NLRC5: variants seen among roughly 807,000 people sequenced by gnomAD.
NLRC5 encodes the protein NLR family CARD domain containing 5.
In NLRC5, 114 loss-of-function variants were observed where a neutral mutation model predicts 206.9. The observed-to-expected ratio is 0.55, with a 90% CI of 0.47 to 0.64. The LOEUF is 0.64. Ranked by LOEUF, NLRC5 falls within the 30% of genes least tolerant of loss-of-function variation. The pLI, the probability that NLRC5 is intolerant of heterozygous loss-of-function variation, is 0.00. For synonymous variants in NLRC5, 952 were observed against 962.8 expected (o/e 0.99, Z 0.21); for missense variants, 2,008 against 2,305.5 (o/e 0.87, Z 2.64).
rs1352717150 is a variant in NLRC5 at position 57,014,928 on chromosome 16, T to TC, written c.-127-2146_-127-2145insC. Among the ~76,000 whole-genome samples, 4 of 994 alleles carry TC rather than the reference T, an allele frequency of 4.0e-3. No homozygotes were observed. In the Non-Finnish European group the frequency reaches 0.1, roughly 25 times the overall value. The allele number at this position is 994 out of a possible 152,430, so 0.7% of individuals were successfully genotyped here. ...CGCTCTCCAGCCTCTTCCTTTTTCC[T>TC]TTTTTTTTTTGTTTGTTTGAGATGG... is the stretch of plus-strand genomic sequence containing the variant. On this transcript the variant is annotated intron_variant, in intron 1 of 48. Coordinates refer to ENST00000688547, the MANE Select transcript of NLRC5 (RefSeq NM_001384950.1).
chr16:57,002,779 C>T (rs1359126908), intron 1 of NLRC5, among the ~76,000 whole-genome samples: 2 of 151,408 alleles, frequency 1.3e-5, no homozygotes. Flanking sequence ...GTAGCTGGGA[C>T]TACAGGCATG....
chr16:57,059,759 C>A (rs1338016050), intron 30 of NLRC5, among the ~76,000 whole-genome samples: 2 of 152,196 alleles, frequency 1.3e-5, no homozygotes, highest in Non-Finnish European at 2.9e-5. Context: ...CCATCCTAAG[C>A]CCAACTCAGC....
intron 30 of NLRC5, among the ~76,000 whole-genome samples, chr16:57,060,024 GTTATTATTATTATTA>G (rs3995823): frequency 2.5e-4 from 36 of 144,882 alleles, no homozygotes; most frequent in Non-Finnish European, 4.1e-4. Flanking sequence ...TATTGTAACT[GTTATTATTATTATTA>G]TTATTATTAT....
Position 57,081,150 on chromosome 16 carries a change from C to T in NLRC5, c.5374C>T (p.Leu1792=). Residue 1792 remains leucine, a synonymous_variant, in exon 47 of 49, where the codon CTG becomes TTG. Coordinates refer to ENST00000688547, the MANE Select transcript of NLRC5 (RefSeq NM_001384950.1). ...DEAAAELAQV[L]PQMGRLKRVD... ...GGCAGCTGCCGAGCTGGCCCAGGTG[C>T]TGCCGCAGATGGGCCGGCTGAAGAG... 2 of 1,545,170 alleles carry T rather than the reference C, an allele frequency of 1.3e-6. No homozygotes were observed. The highest frequency in any genetic ancestry group is 1.7e-6 in the Non-Finnish European group (2 of 1,147,748).
rs1043123964 is a variant in NLRC5, at chr16:57,077,881, G to A, written c.5004-62G>A. On this transcript the variant is annotated intron_variant, in intron 42 of 48. Transcript: ENST00000688547. Reference sequence around the variant, plus strand: ...CCTCCTCTCCCGCAGTGGGCACAGGGCAGGGCGGGGGTCCCGAGTGGGCAG... The same window carrying A: ...CCTCCTCTCCCGCAGTGGGCACAGGACAGGGCGGGGGTCCCGAGTGGGCAG... The A allele has an allele frequency of 6.2e-5, 99 of 1,604,514 alleles. No homozygotes were observed. In the East Asian group the frequency reaches 2.1e-3, roughly 34 times the overall value.
At chr16:57,001,777 T>C (rs2058289020) in intron 1 of NLRC5, among the ~76,000 whole-genome samples, 1 of 152,244 alleles carries the variant, frequency 6.6e-6, no homozygotes, top group Admixed American at 6.5e-5. Flanking sequence ...TTGTTATTTT[T>C]AAATGTACAG....
chr16:57,031,113 A>G (rs1241328631), intron 10 of NLRC5, among the ~76,000 whole-genome samples: 1 of 150,506 alleles, frequency 6.6e-6, no homozygotes, highest in Non-Finnish European at 1.5e-5. Context: ...ATTTAAAAAG[A>G]AAGGAAAAAA....
chr16:57,081,434 T>A (rs1003812376), intron 47 of NLRC5, 93 bp from the exon 48 acceptor site: 1 of 1,222,502 alleles, frequency 8.2e-7, no homozygotes, highest in Non-Finnish European at 1.2e-6. Context: ...CTGTGTCCCC[T>A]GACCTTGGCC....
At chr16:57,000,359 T>C (rs1597079846) in intron 1 of NLRC5, among the ~76,000 whole-genome samples, 1 of 151,944 alleles carries the variant, frequency 6.6e-6, no homozygotes, top group Admixed American at 6.6e-5. Flanking sequence ...GTGGCTGGGG[T>C]GAAGGAGGCA....
intron 19 of NLRC5, among the ~76,000 whole-genome samples, chr16:57,042,698 C>G (rs962492304): frequency 6.6e-6 from 1 of 152,216 alleles, no homozygotes; most frequent in Non-Finnish European, 1.5e-5. Flanking sequence ...TCTGTGAACA[C>G]GCTTTGCTGT....
At position 57,055,064 on chromosome 16, in the gene NLRC5, C is replaced by G. The variant is rs2065435675; in HGVS notation, c.3629C>G (p.Ser1210Cys). Reference sequence around the variant, plus strand: ...CACCATGCAACTTTGCACTTCAGATCCAACGAGGAGGAGGAAGGCGTGTGC... The same window carrying G: ...CACCATGCAACTTTGCACTTCAGATGCAACGAGGAGGAGGAAGGCGTGTGC... ...SLHHATLHFR[S>C]NEEEEGVCCG... The change falls in exon 26 of 49, where the codon TCC becomes TGC. Residue 1210 changes from serine to cysteine, a missense_variant. Ser to Cys is a moderately radical substitution (Grantham distance 112). Coordinates refer to ENST00000688547, the MANE Select transcript of NLRC5 (RefSeq NM_001384950.1). The G allele has an allele frequency of 2.5e-6, 4 of 1,614,114 alleles. No individual in the cohort carries two copies. The South Asian group carries it at 3.3e-5, about 13-fold the overall frequency.
In NLRC5 at chr16:57,014,931, T is replaced by TC. The variant is rs1205715845; in HGVS notation, c.-127-2143_-127-2142insC. Among the ~76,000 whole-genome samples, 12 of 150,988 alleles carry TC rather than the reference T, an allele frequency of 7.9e-5. No homozygotes were observed. The South Asian group carries it at 1.1e-3, about 13-fold the overall frequency. ...TCTCCAGCCTCTTCCTTTTTCCTTT[T>TC]TTTTTTTGTTTGTTTGAGATGGAGT... On this transcript the variant is annotated intron_variant, in intron 1 of 48. Transcript: ENST00000688547.
chr16:57,055,468 TAG>T lies in NLRC5; in HGVS notation c.3698_3699del (p.Glu1233ValfsTer10). On this transcript the variant is annotated frameshift_variant, in exon 27 of 49. Transcript: ENST00000688547. LOFTEE classifies it high-confidence loss of function. The stretch of plus-strand genomic sequence containing the variant: ...GGCTGCAGCCTCAGCCAGGAGCACG[TAG>T]AGTCACTCTGCTGGTTGCTGAGCAA... 1 of 1,613,838 alleles carries T rather than the reference TAG, an allele frequency of 6.2e-7. No individual in the cohort carries two copies. The highest frequency in any genetic ancestry group is 8.5e-7 in the Non-Finnish European group (1 of 1,179,912).
intron 1 of NLRC5, among the ~76,000 whole-genome samples, chr16:56,998,937 G>A (rs1264838223): frequency 1.3e-5 from 2 of 152,242 alleles, no homozygotes; most frequent in African/African-American, 2.4e-5. Context: ...TGGGGCTGCT[G>A]TAACAAAGTG....
intron 34 of NLRC5, among the ~76,000 whole-genome samples, 166 bp from the exon 35 acceptor site, chr16:57,067,221 C>A (rs1328088488): frequency 2.0e-5 from 3 of 152,220 alleles, no homozygotes; most frequent in African/African-American, 7.2e-5. Flanking sequence ...GCTGCCCCAT[C>A]TGGACTCCTG....
chr16:57,043,004 G>A (rs991241295), intron 19 of NLRC5, among the ~76,000 whole-genome samples: 14 of 152,108 alleles, frequency 9.2e-5, no homozygotes, highest in African/African-American at 1.4e-4. Context: ...GTGTGGACTC[G>A]TGACCTGGTG....
intron 23 of NLRC5, 95 bp downstream of exon 23, chr16:57,047,723 T>C: frequency 9.4e-7 from 1 of 1,065,818 alleles, no homozygotes; most frequent in Non-Finnish European, 1.4e-6. Flanking sequence ...GGTGAGTCTT[T>C]CTCGATTTCT....
chr16:57,070,058 G>C (rs1175385744), intron 37 of NLRC5, 139 bp downstream of exon 37: 1 of 697,578 alleles, frequency 1.4e-6, no homozygotes, highest in Non-Finnish European at 2.4e-6. Context: ...AGCAGTTCTG[G>C]GTGTGGCCTG....
At chr16:57,008,709 T>C (rs1270902929) in intron 1 of NLRC5, among the ~76,000 whole-genome samples, 2 of 148,674 alleles carry the variant, frequency 1.3e-5, no homozygotes, top group Non-Finnish European at 3.0e-5. Context: ...TTTATCGAAA[T>C]TGGCCAAAAG....
Sources: gnomAD v4.1 joint callset for allele counts (sites outside exome capture counted in the v4.1 genomes callset) on GRCh38, gnomAD v4.1.1 for gene constraint, MANE v1.5 for transcripts, NCBI Gene and HGNC (gene_info 2026-07-23, HGNC 2026-07-21) for gene names.